Variants in CTR9 observed in about 807,000 individuals in gnomAD.
CTR9 encodes RNA polymerase-associated protein CTR9 homolog.
In CTR9, 41 loss-of-function variants were observed where a neutral mutation model predicts 152.1. That is an observed-to-expected ratio of 0.27 (90% CI 0.21 to 0.35). The LOEUF (loss-of-function observed/expected upper bound fraction) is 0.35. CTR9 is among the 10% of genes least tolerant of loss of function. The probability of loss-of-function intolerance (pLI) is 1.00; values close to 1 mark genes in which losing one functional copy is unlikely to be tolerated. For synonymous variants in CTR9, 476 were observed against 496.2 expected, an observed-to-expected ratio of 0.96 and a Z score of 0.54; for missense variants, 917 against 1,424.4, an observed-to-expected ratio of 0.64 and a Z score of 5.73.
chr11:10,764,514 A>T (rs757989539), intron 11 of CTR9, 34 bp from the exon 12 acceptor site: 11 of 1,605,022 alleles, frequency 6.9e-6, no homozygotes, highest in South Asian at 5.5e-5. Context: ...GTATAAACTA[A>T]ATCTTTTAAC....
At chr11:10,766,930 A>T (rs1448102859) in intron 13 of CTR9, 1 of 156,442 alleles carries the variant, frequency 6.4e-6, no homozygotes, top group African/African-American at 2.4e-5. Context: ...ATTTCACATC[A>T]TAGCCTAGTA....
intron 12 of CTR9, among the ~76,000 whole-genome samples, chr11:10,764,935 T>C (rs1285329161): frequency 2.6e-5 from 4 of 152,170 alleles, no homozygotes; most frequent in African/African-American, 4.8e-5. Flanking sequence ...CTAAAACCAA[T>C]TGGACCGTAT....
At chr11:10,768,633 C>A in intron 16 of CTR9, 142 bp downstream of exon 16, 1 of 872,728 alleles carries the variant, frequency 1.1e-6, no homozygotes, top group Non-Finnish European at 1.6e-6. Flanking sequence ...TTATATAATG[C>A]TAAGGCCAGG....
intron 21 of CTR9, among the ~76,000 whole-genome samples, chr11:10,773,612 G>A (rs1863179127): frequency 6.6e-6 from 1 of 152,100 alleles, no homozygotes; most frequent in African/African-American, 2.4e-5. Flanking sequence ...TTTGGGCCGG[G>A]CACAGTGGCT....
rs547885452 is a variant in CTR9, at chr11:10,778,721, C to T, written c.3138C>T (p.Asp1046=). ...ACAGCAACAGTGACTCAGACGAGGA[C>T]GAACAACGAAAGAAATGTGCCTCAT... The part of the protein sequence containing the change: ...NSNSNSDSDE[D]EQRKKCASSE... Residue 1046 remains aspartate (D), a synonymous_variant, in exon 25 of 25, where the codon GAC becomes GAT. Coordinates refer to ENST00000361367, the MANE Select transcript of CTR9 (RefSeq NM_014633.5). 3.3e-5 allele frequency: 54 copies of T among 1,613,936 alleles called. No individual in the cohort carries two copies. Among genetic ancestry groups the T allele is most frequent in the South Asian group, 1.4e-4 (13 of 91,058 alleles).
At position 10,760,339 on chromosome 11, in the gene CTR9, G is replaced by T. The variant is rs1862957031; in HGVS notation, c.741+18G>T. On this transcript the variant is annotated intron_variant, in intron 6 of 24. Transcript: ENST00000361367. ...ATAAAGAGGTATGTAAATGAAAAAA[G>T]TATCTAGCTCCTAACTGCTTTGTCA... 2 of 1,605,866 alleles carry T rather than the reference G, an allele frequency of 1.2e-6. No individual in the cohort carries two copies. The highest frequency in any genetic ancestry group is 2.7e-5 in the African/African-American group (2 of 74,774).
In CTR9 at chr11:10,767,683, G is replaced by T; in HGVS notation, c.1687-123G>T. ...CAAAAAAAAAAAGAAAGAAAGAAAA[G>T]AAAGAAAACCACTGTTGTAATATAG... On this transcript the variant is annotated intron_variant, in intron 13 of 24. Coordinates refer to ENST00000361367, the MANE Select transcript of CTR9 (RefSeq NM_014633.5). This position sits in a 1 kb window ranked among gnomAD's most constrained non-coding sequence, Gnocchi z 4.0. 4.9e-6 allele frequency: 4 copies of T among 812,500 alleles called. No homozygotes were observed. The highest frequency in any genetic ancestry group is 7.6e-6 in the Non-Finnish European group (4 of 523,590). 50.3% of individuals were successfully genotyped at this position (812,500 alleles called of 1,614,324 possible).
chr11:10,772,795 G>A (rs1863165028), intron 20 of CTR9, 140 bp downstream of exon 20: 1 of 888,708 alleles, frequency 1.1e-6, no homozygotes, highest in African/African-American at 1.7e-5. Flanking sequence ...TGAGGTGGGT[G>A]GAGGGCGGAT....
chr11:10,768,341 A>G lies in CTR9; in HGVS notation c.1961-2A>G. The G allele has an allele frequency of 6.2e-7, 1 of 1,608,612 alleles. No individual in the cohort carries two copies. The highest frequency in any genetic ancestry group is 1.7e-4 in the Middle Eastern group (1 of 6,020). On this transcript the variant is annotated splice_acceptor_variant, in intron 15 of 24. Coordinates refer to ENST00000361367, the MANE Select transcript of CTR9 (RefSeq NM_014633.5). LOFTEE classifies it high-confidence loss of function. ...TAAGTGTGAACCTTTTTATATCTTT[A>G]GGAGCTGTTTTGGCCCACAAAGGAT...
Position 10,772,535 on chromosome 11 carries a change from ACTGAG to A in CTR9, c.2462_2466del (p.Leu821ProfsTer14), listed in dbSNP as rs771130808. On this transcript the variant is annotated frameshift_variant, in exon 20 of 25. Coordinates refer to ENST00000361367, the MANE Select transcript of CTR9 (RefSeq NM_014633.5). LOFTEE classifies it high-confidence loss of function. ...AATGTTCTAGGCAGTGTTCTGACTT[ACTGAG>A]CCAGGCCCAGTACCATGTGGCCCGG... The A allele has an allele frequency of 1.3e-6, 2 of 1,562,050 alleles. No individual in the cohort carries two copies. The highest frequency in any genetic ancestry group is 2.8e-5 in the African/African-American group (2 of 71,974).
At chr11:10,773,039 A>AG in intron 20 of CTR9, 88 bp from the exon 21 acceptor site, 2 of 1,468,614 alleles carry the variant, frequency 1.4e-6, no homozygotes, top group South Asian at 2.7e-5. Context: ...AAGAAAAAAA[A>AG]AAATCCTCTG....
In CTR9 at chr11:10,775,161, A is replaced by T. The variant is rs1437960227; in HGVS notation, c.2886-46A>T. The T allele has an allele frequency of 3.4e-6, 5 of 1,474,082 alleles. No homozygotes were observed. In the Admixed American group the frequency reaches 8.9e-5, roughly 26 times the overall value. 91.3% of individuals were successfully genotyped at this position (1,474,082 alleles called of 1,614,324 possible). ...TAATGGCAAAGTAGTCTGGAACTTT[A>T]TAGGTAGGCTCTTGACAAACTCTCT... On this transcript the variant is annotated intron_variant, in intron 22 of 24. Coordinates refer to ENST00000361367, the MANE Select transcript of CTR9 (RefSeq NM_014633.5).
At chr11:10,761,854 T>G in intron 6 of CTR9, 93 bp from the exon 7 acceptor site, 1 of 724,332 alleles carries the variant, frequency 1.4e-6, no homozygotes, top group Non-Finnish European at 2.3e-6. Context: ...ATCTTAGGAT[T>G]TATAACTTAT....
At position 10,754,978 on chromosome 11, in the gene CTR9, A is replaced by G. The variant is rs1355944037; in HGVS notation, c.165A>G (p.Gly55=). The G allele has an allele frequency of 2.5e-6, 4 of 1,613,920 alleles. No homozygotes were observed. Among genetic ancestry groups the G allele is most frequent in the Non-Finnish European group, 3.4e-6 (4 of 1,179,918 alleles). The stretch of plus-strand genomic sequence containing the variant: ...TATAGCTGGAATACTACAAGCAAGG[A>G]AAAACAGAAGAGTTTGTAAAATTGT... ...IALALEYYKQ[G]KTEEFVKLLE... is the part of the protein sequence containing the mutation. The change falls in exon 3 of 25, where the codon GGA becomes GGG. Residue 55 remains glycine (G), a synonymous_variant. Coordinates refer to ENST00000361367, the MANE Select transcript of CTR9 (RefSeq NM_014633.5).
chr11:10,772,943 C>G (rs1863167942), intron 20 of CTR9, among the ~76,000 whole-genome samples, 184 bp from the exon 21 acceptor site: 1 of 152,014 alleles, frequency 6.6e-6, no homozygotes, highest in South Asian at 2.1e-4. Flanking sequence ...AGGAGAATCA[C>G]TTGAACCTGG....
intron 2 of CTR9, among the ~76,000 whole-genome samples, chr11:10,754,196 C>G (rs1341789113): frequency 1.3e-5 from 2 of 152,176 alleles, no homozygotes; most frequent in Non-Finnish European, 2.9e-5. Context: ...ATTTATAAGT[C>G]AAACAGATGC....
intron 5 of CTR9, among the ~76,000 whole-genome samples, chr11:10,759,576 A>G (rs1862942975): frequency 6.6e-6 from 1 of 152,222 alleles, no homozygotes; most frequent in South Asian, 2.1e-4. Context: ...TAGAATCAAG[A>G]GAGGATTTGT....
chr11:10,768,207 T>C (rs200592047), intron 15 of CTR9, 46 bp downstream of exon 15: 1 of 1,584,298 alleles, frequency 6.3e-7, no homozygotes, highest in East Asian at 2.2e-5. Flanking sequence ...TTCAAATGAA[T>C]ACTTTCAGAG....
At chr11:10,770,002 G>A (rs578032605) in intron 16 of CTR9, among the ~76,000 whole-genome samples, 5 of 152,180 alleles carry the variant, frequency 3.3e-5, no homozygotes, top group Non-Finnish European at 7.3e-5. Context: ...CAAGCATCTA[G>A]TTTTTCTAAT....
Sources: gnomAD v4.1 joint callset for allele counts (sites outside exome capture counted in the v4.1 genomes callset) on GRCh38, gnomAD v4.1.1 for gene constraint, Gnocchi (gnomAD v3.1) non-coding constraint, MANE v1.5 for transcripts, NCBI Gene and HGNC (gene_info 2026-07-23, HGNC 2026-07-21) for gene names.